ERC1: variants seen among roughly 807,000 people sequenced by gnomAD.
The protein encoded by ERC1 is ELKS/RAB6-interacting/CAST family member 1.
A neutral mutation model predicts 132.0 loss-of-function variants in ERC1; 56 were observed. The observed-to-expected ratio is 0.42, with a 90% CI of 0.34 to 0.53. ERC1 has a LOEUF of 0.53. Ranked by LOEUF, ERC1 falls within the 20% of genes least tolerant of loss-of-function variation. The pLI is 0.03. For missense variants in ERC1, 1,202 were observed against 1,349.9 expected, an observed-to-expected ratio of 0.89 and a Z score of 1.72; for synonymous variants, 478 against 476.1, an observed-to-expected ratio of 1.00 and a Z score of -0.05.
At chr12:1,199,488 T>G (rs1023078779) in intron 12 of ERC1, among the ~76,000 whole-genome samples, 1 of 152,166 alleles carries the variant, frequency 6.6e-6, no homozygotes, top group Non-Finnish European at 1.5e-5. Flanking sequence ...AAAAATGTTA[T>G]GGCCAGGCAC....
intron 2 of ERC1, among the ~76,000 whole-genome samples, chr12:1,042,176 T>A (rs1009271602): frequency 1.3e-5 from 2 of 151,950 alleles, no homozygotes; most frequent in Non-Finnish European, 2.9e-5. Context: ...TAGCTGGGAC[T>A]ACAGGCACCT....
intron 14 of ERC1, among the ~76,000 whole-genome samples, chr12:1,288,415 G>A (rs189035014): frequency 1.2e-3 from 188 of 152,228 alleles, no homozygotes; most frequent in Non-Finnish European, 2.3e-3. Context: ...GCGCCCGGCC[G>A]TAACAATATA....
In ERC1 at chr12:1,444,651, C is replaced by G. The variant is rs2093253171; in HGVS notation, c.3114C>G (p.Asp1038Glu). The G allele has an allele frequency of 6.2e-7, 1 of 1,613,898 alleles. No homozygotes were observed. The highest frequency in any genetic ancestry group is 8.5e-7 in the Non-Finnish European group (1 of 1,179,890). ...TGACAACCCTCTGCCATGACCGAGA[C>G]CCCCTGATCCTCCGTGGACTCACTC... ...GHLTTLCHDR[D>E]PLILRGLTPP... Residue 1038 changes from aspartate (D) to glutamate (E), a missense_variant, in exon 18 of 19, where the codon GAC becomes GAG. Transcript: ENST00000360905.
intron 12 of ERC1, among the ~76,000 whole-genome samples, chr12:1,231,747 A>G (rs894088364): frequency 6.7e-6 from 1 of 149,298 alleles, no homozygotes; most frequent in Non-Finnish European, 1.5e-5. Flanking sequence ...AAGTAAAGCA[A>G]TTTTTTTTTT....
intron 15 of ERC1, among the ~76,000 whole-genome samples, chr12:1,350,811 T>C (rs1486072079): frequency 6.6e-6 from 1 of 152,222 alleles, no homozygotes; most frequent in African/African-American, 2.4e-5. Context: ...GGCATGGCCC[T>C]GGCTTCTGGC....
intron 16 of ERC1, chr12:1,380,313 T>C (rs1243344741): frequency 6.6e-6 from 1 of 152,168 alleles, no homozygotes; most frequent in Non-Finnish European, 1.5e-5. Flanking sequence ...CCTGACAGCT[T>C]TCTGTAATAT....
At chr12:1,057,383 T>C (rs79911912) in intron 2 of ERC1, among the ~76,000 whole-genome samples, 6,105 of 152,170 alleles carry the variant, frequency 0.04, 206 homozygotes, top group African/African-American at 0.088. Context: ...CTTGGCCTCC[T>C]GGAAAGCGCT....
chr12:1,101,550 C>T (rs555379700), intron 3 of ERC1, among the ~76,000 whole-genome samples: 1 of 152,206 alleles, frequency 6.6e-6, no homozygotes, highest in Non-Finnish European at 1.5e-5. Flanking sequence ...AAGTACATGA[C>T]GAATGTGTCT....
chr12:1,229,815 A>C (rs1487870660), intron 12 of ERC1, among the ~76,000 whole-genome samples: 1 of 151,432 alleles, frequency 6.6e-6, no homozygotes, highest in East Asian at 1.9e-4. Context: ...TTATTTCCTT[A>C]CTTTAGCTAA....
chr12:1,042,649 A>T (rs1014927269), intron 2 of ERC1, among the ~76,000 whole-genome samples: 7 of 146,430 alleles, frequency 4.8e-5, no homozygotes, highest in South Asian at 2.2e-4. Context: ...AGTATTTTTA[A>T]TTTTTTTTTT....
intron 15 of ERC1, among the ~76,000 whole-genome samples, chr12:1,366,760 A>G (rs1303970625): frequency 1.3e-5 from 2 of 152,212 alleles, no homozygotes; most frequent in South Asian, 2.1e-4. Flanking sequence ...CAGTGGGTAC[A>G]TTAAAAACTA....
At chr12:1,110,422 T>A in intron 5 of ERC1, 75 bp downstream of exon 5, 1 of 1,238,630 alleles carries the variant, frequency 8.1e-7, no homozygotes, top group Non-Finnish European at 1.1e-6. Flanking sequence ...TCTCTAGTGA[T>A]GATAAAGCCG....
intron 12 of ERC1, among the ~76,000 whole-genome samples, chr12:1,200,097 G>A (rs896182341): frequency 1.3e-5 from 2 of 151,986 alleles, no homozygotes; most frequent in South Asian, 2.1e-4. Flanking sequence ...TGCCTTTTGA[G>A]TTTTTAAATT....
At chr12:1,403,399 A>T (rs916659771) in intron 16 of ERC1, among the ~76,000 whole-genome samples, 1 of 152,202 alleles carries the variant, frequency 6.6e-6, no homozygotes, top group Admixed American at 6.5e-5. Flanking sequence ...AGAAGAGCAT[A>T]CTATGAGAGC....
intron 8 of ERC1, among the ~76,000 whole-genome samples, chr12:1,167,717 C>CTTT (rs755716154): frequency 1.5e-5 from 2 of 136,420 alleles, no homozygotes; most frequent in African/African-American, 2.7e-5. Context: ...TTTTTCTTTT[C>CTTT]TTTTTTTTTT....
At chr12:1,005,227 C>T (rs1380767673) in intron 1 of ERC1, among the ~76,000 whole-genome samples, 1 of 152,072 alleles carries the variant, frequency 6.6e-6, no homozygotes, top group Non-Finnish European at 1.5e-5. Flanking sequence ...TCATGGCTTA[C>T]TACAGCCTCG....
At chr12:1,203,766 A>G (rs1022856730) in intron 12 of ERC1, among the ~76,000 whole-genome samples, 3 of 152,238 alleles carry the variant, frequency 2.0e-5, no homozygotes, top group Non-Finnish European at 4.4e-5. Flanking sequence ...ACAGTAATGA[A>G]CTGTAAGGGC....
At chr12:1,122,409 G>T (rs56314204) in intron 7 of ERC1, among the ~76,000 whole-genome samples, 31 of 486 alleles carry the variant, frequency 0.064, 3 homozygotes, top group Non-Finnish European at 0.2. Context: ...CTCTATCTGT[G>T]TCTCTATCTC....
At chr12:1,432,684 C>T (rs1465822979) in intron 17 of ERC1, among the ~76,000 whole-genome samples, 2 of 152,216 alleles carry the variant, frequency 1.3e-5, no homozygotes, top group African/African-American at 4.8e-5. Context: ...ACCAAAGCAA[C>T]TTGTTCCAGG....
Sources: gnomAD v4.1 joint callset for allele counts (sites outside exome capture counted in the v4.1 genomes callset) on GRCh38, gnomAD v4.1.1 for gene constraint, MANE v1.5 for transcripts, NCBI Gene and HGNC (gene_info 2026-07-23, HGNC 2026-07-21) for gene names.